PHACTR1: variants seen among roughly 807,000 people sequenced by gnomAD.
The protein encoded by PHACTR1 is phosphatase and actin regulator 1, also known as RPEL repeat containing 1.
PHACTR1 carries 16 observed loss-of-function variants against 69.2 expected under a neutral mutation model. The observed-to-expected ratio is 0.23, with a 90% CI of 0.16 to 0.35. PHACTR1 has a LOEUF of 0.35. Among genes scored for constraint, PHACTR1 ranks in the 10% least tolerant of loss-of-function variants. The pLI, the probability that PHACTR1 is intolerant of heterozygous loss-of-function variation, is 1.00. For synonymous variants in PHACTR1, 312 were observed against 284.5 expected, an observed-to-expected ratio of 1.10 and a Z score of -0.97; for missense variants, 510 against 734.7, an observed-to-expected ratio of 0.69 and a Z score of 3.54.
At chr6:12,965,981 C>G (rs929959800) in intron 4 of PHACTR1, among the ~76,000 whole-genome samples, 2 of 152,058 alleles carry the variant, frequency 1.3e-5, no homozygotes, top group African/African-American at 2.4e-5. Flanking sequence ...TTAAAGGGCC[C>G]GGACATGGCG....
chr6:13,139,391 T>G (rs1388908714), intron 5 of PHACTR1, among the ~76,000 whole-genome samples: 2 of 152,192 alleles, frequency 1.3e-5, no homozygotes, highest in Non-Finnish European at 2.9e-5. Flanking sequence ...ATCAGCTGTT[T>G]GGTCCTCTTC....
At chr6:13,098,969 C>A (rs1303449346) in intron 5 of PHACTR1, among the ~76,000 whole-genome samples, 2 of 152,196 alleles carry the variant, frequency 1.3e-5, no homozygotes, top group African/African-American at 4.8e-5. Context: ...ATAGTCATAT[C>A]ATTTCCTCTT....
In PHACTR1 at chr6:13,127,416, A is replaced by C. The variant is rs11967029; in HGVS notation, c.416-32788A>C. On this transcript the variant is annotated intron_variant, in intron 5 of 14. Transcript: ENST00000332995. ...ACCCCATCTCTAACAACAACAACAA[A>C]AAAATTAGCTGGGTATGGTGGCACA... Among the ~76,000 whole-genome samples the C allele has an allele frequency of 3.6e-3, 550 of 152,222 alleles. 2 individuals are homozygous for C. Among genetic ancestry groups the C allele is most frequent in the African/African-American group, 0.012 (499 of 41,546 alleles).
At chr6:12,774,305 C>T (rs1460346859) in intron 4 of PHACTR1, among the ~76,000 whole-genome samples, 1 of 152,122 alleles carries the variant, frequency 6.6e-6, no homozygotes, top group African/African-American at 2.4e-5. Flanking sequence ...TCCTTGAAAC[C>T]TAGAGGCGTG....
intron 5 of PHACTR1, among the ~76,000 whole-genome samples, chr6:13,152,349 C>T (rs1229053485): frequency 1.3e-5 from 2 of 151,824 alleles, no homozygotes; most frequent in African/African-American, 4.8e-5. Context: ...AAAAAAAATT[C>T]ATCAATGTCA....
chr6:12,768,075 C>A (rs1353456416), intron 4 of PHACTR1, among the ~76,000 whole-genome samples: 5 of 147,966 alleles, frequency 3.4e-5, no homozygotes, highest in African/African-American at 1.2e-4. Flanking sequence ...ACATCTCTCT[C>A]TATGGGGACA....
chr6:13,041,859 G>A (rs910136169), intron 4 of PHACTR1, among the ~76,000 whole-genome samples: 5 of 152,110 alleles, frequency 3.3e-5, no homozygotes, highest in African/African-American at 9.7e-5. Flanking sequence ...CCTGGACCAC[G>A]GCAACTTTGT....
intron 4 of PHACTR1, among the ~76,000 whole-genome samples, chr6:12,943,006 C>T (rs957942688): frequency 3.3e-5 from 5 of 152,158 alleles, no homozygotes; most frequent in Non-Finnish European, 5.9e-5. Flanking sequence ...CCAGCAATTC[C>T]ACTCCTAGAC....
intron 4 of PHACTR1, among the ~76,000 whole-genome samples, chr6:12,892,358 A>G (rs1784241914): frequency 6.6e-6 from 1 of 152,236 alleles, no homozygotes; most frequent in Non-Finnish European, 1.5e-5. Context: ...GTAATAAGCT[A>G]CACATGCATA....
rs374001179 is a variant in PHACTR1 at position 13,208,938 on chromosome 6, G to A, written c.986+2802G>A. ...GCAGCAGAGCCAAGGCAGTCTCTGC[G>A]CTTTGTCCCAACTCAGAGTCATTTC... On this transcript the variant is annotated intron_variant, in intron 8 of 14. Transcript: ENST00000332995. Among the ~76,000 whole-genome samples the A allele has an allele frequency of 1.8e-3, 274 of 152,198 alleles. 3 individuals carry two copies. The South Asian group carries it at 0.026, about 15-fold the overall frequency.
chr6:12,915,426 G>A (rs934903937), intron 4 of PHACTR1, among the ~76,000 whole-genome samples: 1 of 148,050 alleles, frequency 6.8e-6, no homozygotes, highest in Admixed American at 7.0e-5. Context: ...AGAATCGCTT[G>A]AACCCAGGAG....
chr6:13,259,887 G>A (rs766893343), intron 10 of PHACTR1, among the ~76,000 whole-genome samples: 6 of 152,156 alleles, frequency 3.9e-5, no homozygotes, highest in Non-Finnish European at 2.9e-5. Flanking sequence ...CTGGGCGTGC[G>A]GATCAATAGT....
chr6:13,020,817 T>C (rs934097146), intron 4 of PHACTR1, among the ~76,000 whole-genome samples: 14 of 152,118 alleles, frequency 9.2e-5, no homozygotes, highest in African/African-American at 3.4e-4. Context: ...AGTCGATGAA[T>C]GTGTGTCCCT....
At chr6:13,286,980 C>A in intron 14 of PHACTR1, 83 bp from the exon 15 acceptor site, 1 of 1,474,788 alleles carries the variant, frequency 6.8e-7, no homozygotes, top group Non-Finnish European at 9.3e-7. Flanking sequence ...GGTCAAGAAC[C>A]TCCCTGAAGA....
intron 5 of PHACTR1, among the ~76,000 whole-genome samples, chr6:13,093,934 C>G (rs956599705): frequency 5.3e-5 from 8 of 152,172 alleles, no homozygotes; most frequent in Non-Finnish European, 1.0e-4. Flanking sequence ...TGCAGTGGTG[C>G]AATCACAACT....
chr6:13,142,277 A>AT (rs1822602829), intron 5 of PHACTR1, among the ~76,000 whole-genome samples: 2 of 152,026 alleles, frequency 1.3e-5, no homozygotes, highest in Non-Finnish European at 2.9e-5. Flanking sequence ...TAATTTTTGT[A>AT]TTTTTTGGTA....
intron 10 of PHACTR1, among the ~76,000 whole-genome samples, chr6:13,260,317 C>T (rs1031806273): frequency 2.6e-5 from 4 of 152,052 alleles, no homozygotes; most frequent in Non-Finnish European, 5.9e-5. Flanking sequence ...CTCAGCTTCC[C>T]TAAACTGTGA....
intron 6 of PHACTR1, among the ~76,000 whole-genome samples, chr6:13,182,148 G>A (rs530546006): frequency 5.9e-5 from 9 of 152,214 alleles, no homozygotes; most frequent in Admixed American, 1.3e-4. Context: ...CAGGAGAATC[G>A]CTTGAACCCG....
rs56305254 is a variant in PHACTR1 at position 13,193,357 on chromosome 6, G to GTATATATATATATATATATATATA, written c.664+10676_664+10699dup. Among the ~76,000 whole-genome samples, 455 of 68,078 alleles carry GTATATATATATATATATATATATA rather than the reference G, an allele frequency of 6.7e-3. 53 individuals carry two copies. Among genetic ancestry groups the GTATATATATATATATATATATATA allele is most frequent in the Non-Finnish European group, 0.011 (318 of 29,294 alleles). The allele number at this position is 68,078 out of a possible 152,430, so 44.7% of individuals were successfully genotyped here. A position where few individuals can be genotyped will look rare whatever the true frequency, so the allele number is the denominator to read the frequency against. ...ATTCTACCTCTTAATAGCTCTCTGT[G>GTATATATATATATATATATATATA]TATATATATATATATATATATATAT... On this transcript the variant is annotated intron_variant, in intron 7 of 14. Coordinates refer to ENST00000332995, the MANE Select transcript of PHACTR1 (RefSeq NM_030948.6).
Sources: gnomAD v4.1 joint callset for allele counts (sites outside exome capture counted in the v4.1 genomes callset) on GRCh38, gnomAD v4.1.1 for gene constraint, MANE v1.5 for transcripts, NCBI Gene and HGNC (gene_info 2026-07-23, HGNC 2026-07-21) for gene names.